The following PRKN variants were observed in gnomAD, a reference collection of about 807,000 sequenced individuals.
The protein encoded by PRKN is E3 ubiquitin-protein ligase parkin.
In PRKN, 56 loss-of-function variants were observed where a neutral mutation model predicts 59.5. That is an observed-to-expected ratio of 0.94 (90% CI 0.76 to 1.18). The LOEUF (loss-of-function observed/expected upper bound fraction) is 1.18, where lower values mean the gene tolerates loss of function less well. PRKN is among the 50% of genes most tolerant of loss of function. PRKN has a pLI of 0.00. For synonymous variants in PRKN, 250 were observed against 222.1 expected (o/e 1.13, Z -1.12); for missense variants, 657 against 596.4 (o/e 1.10, Z -1.06).
chr6:162,017,601 T>C (rs964221051), intron 5 of PRKN, among the ~76,000 whole-genome samples: 1 of 146,928 alleles, frequency 6.8e-6, no homozygotes, highest in Non-Finnish European at 1.5e-5. Context: ...GGTTTAACAT[T>C]TCATGCGATC....
intron 1 of PRKN, among the ~76,000 whole-genome samples, chr6:162,484,835 C>G (rs571891141): frequency 6.6e-6 from 1 of 152,174 alleles, no homozygotes; most frequent in African/African-American, 2.4e-5. Flanking sequence ...TTAGCATATT[C>G]AAGAAAATTG....
At chr6:161,438,920 G>T (rs529965045) in intron 9 of PRKN, among the ~76,000 whole-genome samples, 2 of 152,234 alleles carry the variant, frequency 1.3e-5, no homozygotes, top group South Asian at 2.1e-4. Context: ...GGCTTAAAAA[G>T]GTAGGGGTTG....
chr6:162,645,868 CTTTTTTT>C (rs751656108), intron 1 of PRKN, among the ~76,000 whole-genome samples: 16 of 121,136 alleles, frequency 1.3e-4, no homozygotes, highest in East Asian at 2.4e-4. Flanking sequence ...TAAACTTTCT[CTTTTTTT>C]TTTTTTTTTT....
At chr6:162,447,183 G>C (rs1291749155) in intron 1 of PRKN, among the ~76,000 whole-genome samples, 1 of 152,226 alleles carries the variant, frequency 6.6e-6, no homozygotes, top group South Asian at 2.1e-4. Context: ...CCTATTCTAG[G>C]CACCTAGAGG....
At chr6:161,849,035 C>T (rs1462195532) in intron 6 of PRKN, among the ~76,000 whole-genome samples, 1 of 152,158 alleles carries the variant, frequency 6.6e-6, no homozygotes, top group African/African-American at 2.4e-5. Flanking sequence ...ACTGTTAGCC[C>T]TCGAGGCAGT....
intron 7 of PRKN, among the ~76,000 whole-genome samples, chr6:161,639,169 T>C (rs968143211): frequency 6.6e-6 from 1 of 152,176 alleles, no homozygotes; most frequent in Admixed American, 6.5e-5. Context: ...CTGTGGAACT[T>C]TGAGTCAATT....
rs1028900392 is a variant in PRKN, at chr6:161,497,145, C to A, written c.1083+51709G>T. Reference sequence around the variant, plus strand: ...GGTCAGCCCACAGGCCAGGGCCAGGCGGCATTGCTGGCTAGTGGCCTGCAG... The same window carrying A: ...GGTCAGCCCACAGGCCAGGGCCAGGAGGCATTGCTGGCTAGTGGCCTGCAG... On this transcript the variant is annotated intron_variant, in intron 9 of 11. Transcript: ENST00000366898. This position sits in a 1 kb window ranked among gnomAD's most constrained non-coding sequence, Gnocchi z 4.6. 6.6e-6 allele frequency among the ~76,000 whole-genome samples: 1 copy of A among 152,216 alleles called. No homozygotes were observed. The highest frequency in any genetic ancestry group is 1.9e-4 in the East Asian group (1 of 5,182).
intron 7 of PRKN, among the ~76,000 whole-genome samples, chr6:161,733,332 A>C (rs917202627): frequency 5.3e-5 from 8 of 152,178 alleles, no homozygotes; most frequent in African/African-American, 1.9e-4. Flanking sequence ...CAGGTTTATA[A>C]TTTAATTTTT....
At chr6:161,706,221 C>T (rs1326491014) in intron 7 of PRKN, among the ~76,000 whole-genome samples, 2 of 152,176 alleles carry the variant, frequency 1.3e-5, no homozygotes, top group East Asian at 1.9e-4. Context: ...TGGGGGATAT[C>T]ATCTGAAGAA....
At chr6:162,149,870 G>C (rs1410855553) in intron 4 of PRKN, among the ~76,000 whole-genome samples, 5 of 152,088 alleles carry the variant, frequency 3.3e-5, no homozygotes, top group Non-Finnish European at 7.3e-5. Flanking sequence ...AAGAACAGGG[G>C]GCCAGGATTC....
intron 4 of PRKN, among the ~76,000 whole-genome samples, chr6:162,083,147 GT>G (rs1408907210): frequency 6.6e-6 from 1 of 151,838 alleles, no homozygotes; most frequent in African/African-American, 2.4e-5. Flanking sequence ...TAGAGACGGG[GT>G]TTTTCCATAT....
intron 3 of PRKN, among the ~76,000 whole-genome samples, chr6:162,216,698 T>C (rs1777686590): frequency 6.6e-6 from 1 of 152,024 alleles, no homozygotes. Context: ...GCTTTAATGT[T>C]AAAGCCACAC....
rs565120560 is a variant in PRKN at position 161,597,484 on chromosome 6, C to T, written c.872-28068G>A. 3.1e-4 allele frequency among the ~76,000 whole-genome samples: 47 copies of T among 152,316 alleles called. No homozygotes were observed. The South Asian group carries it at 9.7e-3, about 32-fold the overall frequency. Reference sequence around the variant, plus strand: ...CTTGTTCCTGTGACATGTAAAGGCTCATCTCCTCTGCAGCCATTCACTTAC... The same window carrying T: ...CTTGTTCCTGTGACATGTAAAGGCTTATCTCCTCTGCAGCCATTCACTTAC... On this transcript the variant is annotated intron_variant, in intron 7 of 11. Transcript: ENST00000366898.
chr6:162,265,743 C>A (rs1780100447), intron 2 of PRKN, among the ~76,000 whole-genome samples: 1 of 152,164 alleles, frequency 6.6e-6, no homozygotes, highest in Admixed American at 6.5e-5. Flanking sequence ...AGACCTGAGT[C>A]CAACCCACTG....
intron 7 of PRKN, among the ~76,000 whole-genome samples, chr6:161,694,945 C>T (rs1453933221): frequency 6.6e-6 from 1 of 152,120 alleles, no homozygotes; most frequent in East Asian, 1.9e-4. Flanking sequence ...TCACTAAACT[C>T]AGATGCCCAG....
At position 161,503,676 on chromosome 6, in the gene PRKN, C is replaced by G. The variant is rs1287343900; in HGVS notation, c.1083+45178G>C. Among the ~76,000 whole-genome samples, 3 of 152,212 alleles carry G rather than the reference C, an allele frequency of 2.0e-5. No individual in the cohort carries two copies. The highest frequency in any genetic ancestry group is 2.0e-4 in the Admixed American group (3 of 15,278). The stretch of plus-strand genomic sequence containing the variant: ...GAGCCCTGCTTCGAGAGCCTCTATG[C>G]TTCTATGAAGGTCACAACCAGAAGC... On this transcript the variant is annotated intron_variant, in intron 9 of 11. Transcript: ENST00000366898. The surrounding 1 kb of genome is among the most constrained non-coding windows in gnomAD (Gnocchi z 5.1).
At chr6:161,864,744 C>T (rs974147019) in intron 6 of PRKN, among the ~76,000 whole-genome samples, 7 of 152,236 alleles carry the variant, frequency 4.6e-5, no homozygotes, top group Admixed American at 2.6e-4. Flanking sequence ...GCAACCTCCA[C>T]GTCCCAAGTT....
intron 1 of PRKN, among the ~76,000 whole-genome samples, chr6:162,602,941 C>A (rs1322459748): frequency 6.6e-6 from 1 of 152,110 alleles, no homozygotes; most frequent in Non-Finnish European, 1.5e-5. Context: ...TGTGTCACAT[C>A]CTCTCCGCCT....
rs918490836 is a variant in PRKN at position 161,830,473 on chromosome 6, C to T, written c.735-44565G>A. On this transcript the variant is annotated intron_variant, in intron 6 of 11. Coordinates refer to ENST00000366898, the MANE Select transcript of PRKN (RefSeq NM_004562.3). ...TTCACCGTGTTAGCCAGGATGGTCT[C>T]GATCTCCTGACCTCGTGATCTGCCC... is the stretch of plus-strand genomic sequence containing the variant. 5.3e-5 allele frequency among the ~76,000 whole-genome samples: 8 copies of T among 152,160 alleles called. No individual in the cohort carries two copies. The South Asian group carries it at 1.2e-3, about 24-fold the overall frequency.
Sources: allele counts gnomAD v4.1 joint callset (sites outside exome capture counted in the v4.1 genomes callset), GRCh38; gene constraint gnomAD v4.1.1; non-coding constraint Gnocchi (gnomAD v3.1); transcripts MANE v1.5; gene names NCBI Gene and HGNC (gene_info 2026-07-23, HGNC 2026-07-21).